Variants in DCC observed in about 807,000 individuals in gnomAD.
DCC encodes DCC netrin 1 receptor, also known as netrin receptor DCC.
In DCC, 58 loss-of-function variants were observed where a neutral mutation model predicts 172.5. The ratio of observed to expected loss-of-function variants is 0.34; its 90% CI spans 0.27 to 0.42. The LOEUF is 0.42. Ranked by LOEUF, DCC falls within the 10% of genes least tolerant of loss-of-function variation. The pLI, the probability that DCC is intolerant of heterozygous loss-of-function variation, is 1.00. For missense variants in DCC, 1,740 were observed against 1,791.0 expected (o/e 0.97, Z 0.51); for synonymous variants, 709 against 644.5 (o/e 1.10, Z -1.52).
intron 5 of DCC, among the ~76,000 whole-genome samples, chr18:52,944,793 G>A (rs537151730): frequency 6.6e-6 from 1 of 152,240 alleles, no homozygotes; most frequent in South Asian, 2.1e-4. Context: ...CTTGATCAAG[G>A]GTCATTTAGT....
At chr18:53,035,633 A>G (rs2042082653) in intron 5 of DCC, among the ~76,000 whole-genome samples, 1 of 152,158 alleles carries the variant, frequency 6.6e-6, no homozygotes, top group Non-Finnish European at 1.5e-5. Context: ...AAAGAGGAAC[A>G]TTATAGCAGC....
chr18:53,385,974 T>A, intron 15 of DCC, 69 bp from the exon 16 acceptor site: 1 of 1,041,314 alleles, frequency 9.6e-7, no homozygotes, highest in Non-Finnish European at 1.5e-6. Context: ...TTGAGGAAAA[T>A]GTTTGCCTTG....
chr18:53,147,035 A>G (rs542551924), intron 7 of DCC, among the ~76,000 whole-genome samples: 1 of 152,200 alleles, frequency 6.6e-6, no homozygotes, highest in Non-Finnish European at 1.5e-5. Flanking sequence ...ACTTTGATGC[A>G]CAGCCACAAT....
rs79099061 is a variant in DCC at position 53,411,831 on chromosome 18, A to G, written c.3130+1185A>G. Among the ~76,000 whole-genome samples, 197 of 152,282 alleles carry G rather than the reference A, an allele frequency of 1.3e-3. 1 individual carries two copies. The highest frequency in any genetic ancestry group is 7.9e-3 in the South Asian group (38 of 4,828). ...TCTAAATTTTGAGGACTTCATGTCT[A>G]AATCAGGTTTCACTCCAAATGAGCA... is the stretch of plus-strand genomic sequence containing the variant. On this transcript the variant is annotated intron_variant, in intron 20 of 28. Transcript: ENST00000442544.
At chr18:52,699,896 C>G (rs1010713034) in intron 1 of DCC, among the ~76,000 whole-genome samples, 2 of 152,086 alleles carry the variant, frequency 1.3e-5, no homozygotes, top group Non-Finnish European at 2.9e-5. Context: ...TTAACATGTA[C>G]AATGGTCTTT....
At chr18:53,436,350 T>A (rs1415449102) in intron 22 of DCC, among the ~76,000 whole-genome samples, 1 of 152,202 alleles carries the variant, frequency 6.6e-6, no homozygotes, top group Non-Finnish European at 1.5e-5. Context: ...AAATTAACCA[T>A]TTTTGCAGGT....
chr18:53,236,228 C>A (rs2056200803), intron 12 of DCC, among the ~76,000 whole-genome samples: 1 of 152,102 alleles, frequency 6.6e-6, no homozygotes, highest in South Asian at 2.1e-4. Context: ...CCAATCCCAA[C>A]CAACACATGG....
chr18:53,266,463 A>G (rs1598964624), intron 12 of DCC, among the ~76,000 whole-genome samples: 2 of 152,126 alleles, frequency 1.3e-5, no homozygotes, highest in East Asian at 1.9e-4. Flanking sequence ...GAAGTAATTT[A>G]TTTACAAACA....
chr18:52,529,586 G>A (rs1055439999), intron 1 of DCC, among the ~76,000 whole-genome samples: 4 of 152,194 alleles, frequency 2.6e-5, no homozygotes, highest in African/African-American at 9.6e-5. Context: ...CACCGGGCCC[G>A]TGAAGCAGCT....
intron 3 of DCC, among the ~76,000 whole-genome samples, 159 bp from the exon 4 acceptor site, chr18:52,923,548 A>AT (rs2040155492): frequency 6.6e-6 from 1 of 152,090 alleles, no homozygotes; most frequent in Non-Finnish European, 1.5e-5. Context: ...TCATAATCCT[A>AT]TACACTTGGG....
At chr18:52,511,040 C>T (rs535725607) in intron 1 of DCC, among the ~76,000 whole-genome samples, 2 of 152,158 alleles carry the variant, frequency 1.3e-5, no homozygotes. Context: ...ATACAACAGA[C>T]CAGGTCTTTA....
intron 2 of DCC, among the ~76,000 whole-genome samples, chr18:52,896,097 C>T (rs1025943802): frequency 1.3e-5 from 2 of 152,108 alleles, no homozygotes; most frequent in African/African-American, 4.8e-5. Flanking sequence ...GGTTAAATTG[C>T]TATGATGCAA....
intron 1 of DCC, among the ~76,000 whole-genome samples, chr18:52,423,470 TG>T (rs1987319824): frequency 6.6e-6 from 1 of 151,816 alleles, no homozygotes; most frequent in African/African-American, 2.4e-5. Flanking sequence ...CAAGGCCTCT[TG>T]ACTACACAGG....
intron 1 of DCC, among the ~76,000 whole-genome samples, chr18:52,647,382 G>A (rs1394920041): frequency 6.6e-6 from 1 of 152,148 alleles, no homozygotes; most frequent in Non-Finnish European, 1.5e-5. Flanking sequence ...AAAAACTACA[G>A]TATGGAGGAC....
intron 1 of DCC, among the ~76,000 whole-genome samples, chr18:52,709,909 T>C (rs34881703): frequency 0.12 from 18,101 of 152,198 alleles, 1,635 homozygotes; most frequent in African/African-American, 0.24. Flanking sequence ...ATAGATTTTT[T>C]TAAACTGTTG....
At chr18:53,128,830 T>TACACACAC (rs1209652447) in intron 7 of DCC, among the ~76,000 whole-genome samples, 160 of 86,902 alleles carry the variant, frequency 1.8e-3, no homozygotes, top group African/African-American at 3.2e-3. Flanking sequence ...TGTATACACA[T>TACACACAC]ACACACACAC....
At chr18:52,802,454 C>T (rs2038008364) in intron 2 of DCC, among the ~76,000 whole-genome samples, 1 of 140,330 alleles carries the variant, frequency 7.1e-6, no homozygotes, top group East Asian at 2.2e-4. Flanking sequence ...AATCAAAAAC[C>T]CATATATAAC....
intron 5 of DCC, among the ~76,000 whole-genome samples, chr18:53,062,342 C>T (rs1413569634): frequency 6.6e-6 from 1 of 152,048 alleles, no homozygotes; most frequent in African/African-American, 2.4e-5. Flanking sequence ...AATTAGCACT[C>T]ATCACTCACT....
At chr18:52,560,931 G>A (rs890052332) in intron 1 of DCC, among the ~76,000 whole-genome samples, 5 of 152,048 alleles carry the variant, frequency 3.3e-5, no homozygotes, top group African/African-American at 1.2e-4. Flanking sequence ...TATGTAATAA[G>A]TTTCTGTATC....
Sources: allele counts gnomAD v4.1 joint callset (sites outside exome capture counted in the v4.1 genomes callset), GRCh38; gene constraint gnomAD v4.1.1; transcripts MANE v1.5; gene names NCBI Gene and HGNC (gene_info 2026-07-23, HGNC 2026-07-21).